Variants in CABLES1 observed in about 807,000 individuals in gnomAD.
CABLES1 encodes the protein Cdk5 and Abl enzyme substrate 1.
A neutral mutation model predicts 57.8 loss-of-function variants in CABLES1; 36 were observed. That is an observed-to-expected ratio of 0.62 (90% CI 0.48 to 0.82). The LOEUF (loss-of-function observed/expected upper bound fraction) is 0.82. Ranked by LOEUF, CABLES1 falls within the 40% of genes least tolerant of loss-of-function variation. The probability of loss-of-function intolerance (pLI) is 0.00; values close to 1 mark genes in which losing one functional copy is unlikely to be tolerated. For synonymous variants in CABLES1, 374 were observed against 363.0 expected, an observed-to-expected ratio of 1.03 and a Z score of -0.35; for missense variants, 767 against 836.6, an observed-to-expected ratio of 0.92 and a Z score of 1.03.
intron 2 of CABLES1, among the ~76,000 whole-genome samples, chr18:23,189,668 G>C (rs916860008): frequency 1.3e-5 from 2 of 152,240 alleles, no homozygotes; most frequent in African/African-American, 4.8e-5. Context: ...GAGGAGGTGA[G>C]CTCCTGTGGA....
At chr18:23,200,398 T>C (rs563918128) in intron 3 of CABLES1, among the ~76,000 whole-genome samples, 2 of 152,236 alleles carry the variant, frequency 1.3e-5, no homozygotes, top group East Asian at 1.9e-4. Flanking sequence ...TAGCTGGGAC[T>C]ACAGGCACCC....
intron 3 of CABLES1, among the ~76,000 whole-genome samples, chr18:23,203,872 C>T (rs555012132): frequency 1.2e-4 from 18 of 152,264 alleles, no homozygotes; most frequent in Admixed American, 3.3e-4. Flanking sequence ...TTTTTCCTCT[C>T]GGAGATTTTG....
chr18:23,243,893 A>G (rs2047807654), intron 7 of CABLES1, among the ~76,000 whole-genome samples: 1 of 151,794 alleles, frequency 6.6e-6, no homozygotes, highest in Non-Finnish European at 1.5e-5. Context: ...AAAAAAAACT[A>G]ATACAAAACA....
intron 7 of CABLES1, among the ~76,000 whole-genome samples, chr18:23,247,595 G>A (rs184531685): frequency 6.4e-4 from 97 of 152,364 alleles, no homozygotes; most frequent in Middle Eastern, 6.8e-3. Context: ...AGTGGATGCT[G>A]GAGAAGCCAG....
chr18:23,252,788 G>A lies in CABLES1; in HGVS notation c.1447-172G>A, dbSNP rs1266397515. On this transcript the variant is annotated intron_variant, in intron 7 of 9. Transcript: ENST00000256925. ...ACTTGTTTTCCGTTCGCCTCCAGAA[G>A]GCCACAGTCCCCTTCAGGCTCCTGG... is the stretch of plus-strand genomic sequence containing the variant. Among the ~76,000 whole-genome samples, 4 of 152,174 alleles carry A rather than the reference G, an allele frequency of 2.6e-5. No homozygotes were observed. The East Asian group carries it at 7.7e-4, about 29-fold the overall frequency.
intron 1 of CABLES1, among the ~76,000 whole-genome samples, chr18:23,152,953 C>A (rs1050598379): frequency 8.6e-5 from 13 of 151,688 alleles, no homozygotes; most frequent in Non-Finnish European, 8.8e-5. Context: ...AGGCGCCCAC[C>A]ACCACGCCCT....
chr18:23,147,562 T>C (rs527802291), intron 1 of CABLES1, among the ~76,000 whole-genome samples: 82 of 152,334 alleles, frequency 5.4e-4, no homozygotes, highest in Non-Finnish European at 1.0e-3. Context: ...TCTGCTCTGA[T>C]CGTGAGGAGC....
intron 4 of CABLES1, among the ~76,000 whole-genome samples, chr18:23,232,625 G>A (rs1349776981): frequency 1.3e-5 from 2 of 152,232 alleles, no homozygotes; most frequent in Non-Finnish European, 2.9e-5. Context: ...TGTGAACAGA[G>A]TTGGTTGTTG....
intron 1 of CABLES1, among the ~76,000 whole-genome samples, chr18:23,148,211 G>C (rs556274397): frequency 1.3e-5 from 2 of 151,876 alleles, no homozygotes; most frequent in Admixed American, 6.6e-5. Context: ...GGGTGGTCTC[G>C]ATCTCCTGAT....
intron 1 of CABLES1, among the ~76,000 whole-genome samples, chr18:23,159,558 C>CT (rs2046988854): frequency 2.6e-5 from 4 of 152,158 alleles, no homozygotes. Context: ...ACCATATAAA[C>CT]TTTTTGTCAG....
chr18:23,137,644 A>T (rs2046831934), intron 1 of CABLES1, among the ~76,000 whole-genome samples: 1 of 152,170 alleles, frequency 6.6e-6, no homozygotes, highest in African/African-American at 2.4e-5. Context: ...TGCTTACCTG[A>T]AAGCTTGATC....
chr18:23,230,228 C>T (rs1244021021), intron 4 of CABLES1, among the ~76,000 whole-genome samples: 3 of 152,044 alleles, frequency 2.0e-5, no homozygotes, highest in Non-Finnish European at 4.4e-5. Flanking sequence ...AAAAATTAGC[C>T]GGGCATGGCG....
intron 9 of CABLES1, 39 bp from the exon 10 acceptor site, chr18:23,257,188 T>G: frequency 6.2e-7 from 1 of 1,605,878 alleles, no homozygotes; most frequent in Non-Finnish European, 8.5e-7. Context: ...GGATTTTAAT[T>G]TCAAAATGAA....
Position 23,253,781 on chromosome 18 carries a change from C to T in CABLES1, c.1606C>T (p.Pro536Ser). ...GCAGGAGGACTGTGGCCTTGAGGAG[C>T]CCACGGTGGCCATGGCCTTCGTCTA... ...LAQEDCGLEE[P>S]TVAMAFVYFE... The change falls in exon 9 of 10, where the codon CCC (proline) becomes TCC (serine). Residue 536 changes from proline to serine, a missense_variant. Pro to Ser is a moderately conservative substitution (Grantham distance 74). This residue lies in a region of CABLES1 where 529 missense variants were observed against 622.8 expected (regional missense o/e 0.85). Transcript: ENST00000256925. The T allele has an allele frequency of 6.2e-7, 1 of 1,614,176 alleles. No homozygotes were observed. The highest frequency in any genetic ancestry group is 8.5e-7 in the Non-Finnish European group (1 of 1,180,010).
chr18:23,149,228 A>T (rs904146028), intron 1 of CABLES1, among the ~76,000 whole-genome samples: 1 of 151,658 alleles, frequency 6.6e-6, no homozygotes, highest in African/African-American at 2.4e-5. Flanking sequence ...TTGGCATCCT[A>T]ATTGTCTCTT....
intron 1 of CABLES1, among the ~76,000 whole-genome samples, chr18:23,137,582 A>T (rs879335011): frequency 2.0e-5 from 3 of 152,184 alleles, no homozygotes; most frequent in Non-Finnish European, 4.4e-5. Context: ...GGCCTCAGTT[A>T]TCCCTTCTGG....
At chr18:23,150,620 A>AC (rs2046922832) in intron 1 of CABLES1, among the ~76,000 whole-genome samples, 1 of 152,152 alleles carries the variant, frequency 6.6e-6, no homozygotes, top group Non-Finnish European at 1.5e-5. Flanking sequence ...GACCCCTGCC[A>AC]CCACAGACCT....
intron 7 of CABLES1, among the ~76,000 whole-genome samples, chr18:23,246,431 G>C (rs571803370): frequency 6.6e-6 from 1 of 151,608 alleles, no homozygotes; most frequent in Non-Finnish European, 1.5e-5. Flanking sequence ...TTGCTCTGTC[G>C]CCCAGGCTGA....
chr18:23,213,244 A>G (rs1477324085), intron 3 of CABLES1, among the ~76,000 whole-genome samples: 2 of 152,230 alleles, frequency 1.3e-5, no homozygotes, highest in Admixed American at 6.5e-5. Context: ...TTTGTGCTAC[A>G]AAGAATGTTG....
Sources: allele counts gnomAD v4.1 joint callset (sites outside exome capture counted in the v4.1 genomes callset), GRCh38; gene constraint gnomAD v4.1.1; regional missense constraint gnomAD v4.1.1; transcripts MANE v1.5; gene names NCBI Gene and HGNC (gene_info 2026-07-23, HGNC 2026-07-21).